The following ARID3B variants were observed in gnomAD, a reference collection of about 807,000 sequenced individuals.
The protein encoded by ARID3B is AT-rich interactive domain-containing protein 3B.
In ARID3B, 10 loss-of-function variants were observed where a neutral mutation model predicts 51.9. That is an observed-to-expected ratio of 0.19 (90% CI 0.12 to 0.33). The LOEUF is 0.33. Ranked by LOEUF, ARID3B falls within the 10% of genes least tolerant of loss-of-function variation. The pLI, the probability that ARID3B is intolerant of heterozygous loss-of-function variation, is 1.00. For synonymous variants in ARID3B, 205 were observed against 279.5 expected, an observed-to-expected ratio of 0.73 and a Z score of 2.66; for missense variants, 483 against 716.3, an observed-to-expected ratio of 0.67 and a Z score of 3.72.
chr15:74,590,072 G>A, intron 5 of ARID3B, 69 bp downstream of exon 5: 1 of 1,448,288 alleles, frequency 6.9e-7, no homozygotes, highest in Non-Finnish European at 9.2e-7. Flanking sequence ...CTAGAGGAGA[G>A]GAAGGAAGGA....
chr15:74,541,702 G>T (rs2061596022), intron 1 of ARID3B, among the ~76,000 whole-genome samples: 1 of 152,006 alleles, frequency 6.6e-6, no homozygotes, highest in Non-Finnish European at 1.5e-5. Flanking sequence ...GAGGCGTGCA[G>T]GGGTGACCGG....
intron 2 of ARID3B, among the ~76,000 whole-genome samples, chr15:74,551,189 A>T (rs1212968268): frequency 6.6e-6 from 1 of 152,148 alleles, no homozygotes; most frequent in African/African-American, 2.4e-5. Context: ...GTCAATCATA[A>T]TTTTTCAGTC....
intron 2 of ARID3B, among the ~76,000 whole-genome samples, chr15:74,559,497 C>A (rs1252037308): frequency 6.6e-6 from 1 of 152,040 alleles, no homozygotes; most frequent in Non-Finnish European, 1.5e-5. Context: ...TATTTCATTT[C>A]ATTGTGTGAG....
intron 2 of ARID3B, among the ~76,000 whole-genome samples, chr15:74,546,440 T>C (rs1450172994): frequency 1.3e-5 from 2 of 152,166 alleles, no homozygotes; most frequent in African/African-American, 4.8e-5. Context: ...GAGGAACAAG[T>C]GGAGCTCCAG....
In ARID3B at chr15:74,589,938, G is replaced by A. The variant is rs1212430099; in HGVS notation, c.816G>A (p.Arg272=). The A allele has an allele frequency of 2.5e-6, 4 of 1,613,986 alleles. No individual in the cohort carries two copies. In the Admixed American group the frequency reaches 6.7e-5, roughly 27 times the overall value. ...AGATCATCAACAAGAAGATCTGGAG[G>A]GAGATCACCAAAGGCCTAAACCTGC... The part of the protein sequence containing the change: ...LVEIINKKIW[R]EITKGLNLPT... Residue 272 remains arginine (R), a synonymous_variant, in exon 5 of 9, where the codon AGG becomes AGA. Coordinates refer to ENST00000346246, the MANE Select transcript of ARID3B (RefSeq NM_006465.4).
At chr15:74,556,450 G>A (rs1306278547) in intron 2 of ARID3B, among the ~76,000 whole-genome samples, 1 of 152,140 alleles carries the variant, frequency 6.6e-6, no homozygotes, top group Non-Finnish European at 1.5e-5. Flanking sequence ...TTTTAAGTGT[G>A]AAATACTACG....
chr15:74,568,810 A>C (rs574074756), intron 2 of ARID3B, among the ~76,000 whole-genome samples: 5 of 152,166 alleles, frequency 3.3e-5, no homozygotes, highest in Non-Finnish European at 7.4e-5. Context: ...CACTCTGGCT[A>C]CTGTTGACTT....
intron 8 of ARID3B, 109 bp downstream of exon 8, chr15:74,593,345 C>A: frequency 1.0e-6 from 1 of 988,684 alleles, no homozygotes; most frequent in Non-Finnish European, 1.5e-6. Flanking sequence ...CCCACAGTGG[C>A]TTCCTTTTTC....
In ARID3B at chr15:74,564,130, G is replaced by A. The variant is rs1242917082; in HGVS notation, c.553-8732G>A. 2.6e-5 allele frequency among the ~76,000 whole-genome samples: 4 copies of A among 152,164 alleles called. No individual in the cohort carries two copies. In the East Asian group the frequency reaches 5.8e-4, roughly 22 times the overall value. ...TAATTATAACTCTAGTGTTTCCAAG[G>A]CCTGAGCGATTTAGTTAAGAGCACT... On this transcript the variant is annotated intron_variant, in intron 2 of 8. Transcript: ENST00000346246.
intron 2 of ARID3B, among the ~76,000 whole-genome samples, chr15:74,557,811 GACTT>G (rs2061664245): frequency 6.8e-6 from 1 of 146,558 alleles, no homozygotes; most frequent in Non-Finnish European, 1.5e-5. Context: ...TCTAGGTTTC[GACTT>G]ACTTTTTTTT....
chr15:74,549,259 T>G (rs2061627221), intron 2 of ARID3B, among the ~76,000 whole-genome samples: 1 of 152,046 alleles, frequency 6.6e-6, no homozygotes, highest in Admixed American at 6.5e-5. Context: ...GTATTTTTAG[T>G]AGAGACGGGG....
intron 2 of ARID3B, among the ~76,000 whole-genome samples, chr15:74,556,758 TTC>T (rs1214571201): frequency 6.7e-6 from 1 of 149,020 alleles, no homozygotes; most frequent in African/African-American, 2.5e-5. Context: ...TTTTCCTTTT[TTC>T]TTTTTTTTGT....
rs1281610747 is a variant in ARID3B at position 74,595,863 on chromosome 15, C to T, written c.*89C>T. 12 of 1,366,762 alleles carry T rather than the reference C, an allele frequency of 8.8e-6. No homozygotes were observed. Among genetic ancestry groups the T allele is most frequent in the Admixed American group, 7.3e-5 (3 of 40,978 alleles). The allele number at this position is 1,366,762 out of a possible 1,614,324, so 84.7% of individuals were successfully genotyped here. On this transcript the variant is annotated 3_prime_UTR_variant, in exon 9 of 9. Transcript: ENST00000346246. ...AATTTACCTCATCTCACAGAGCCCA[C>T]GTCGACGAGCACCATTTGGCCAGAC...
chr15:74,543,891 C>T lies in ARID3B; in HGVS notation c.-46C>T. The T allele has an allele frequency of 6.4e-7, 1 of 1,567,704 alleles. No homozygotes were observed. On this transcript the variant is annotated 5_prime_UTR_variant, in exon 2 of 9. Transcript: ENST00000346246. Reference sequence around the variant, plus strand: ...ACCCAGTGTGCCTGGTGGGCTGTGCCCAGGTTCAGAGTCATGCCACTCTGT... The same window carrying T: ...ACCCAGTGTGCCTGGTGGGCTGTGCTCAGGTTCAGAGTCATGCCACTCTGT...
intron 2 of ARID3B, among the ~76,000 whole-genome samples, chr15:74,546,860 C>T (rs914893272): frequency 2.0e-5 from 3 of 152,126 alleles, no homozygotes; most frequent in African/African-American, 7.2e-5. Flanking sequence ...CGTCCTTTTC[C>T]CCTTTAATTT....
At position 74,593,255 on chromosome 15, in the gene ARID3B, G is replaced by C. The variant is rs757044113; in HGVS notation, c.1519+19G>C. On this transcript the variant is annotated intron_variant, in intron 8 of 8. Transcript: ENST00000346246. ...TATGCAGGTGAGGCCCTGGAGCTCT[G>C]GGGGAGGCCCACGTGGCCGCAGCTA... is the stretch of plus-strand genomic sequence containing the variant. 1.9e-6 allele frequency: 3 copies of C among 1,605,978 alleles called. No individual in the cohort carries two copies. Among genetic ancestry groups the C allele is most frequent in the Non-Finnish European group, 2.5e-6 (3 of 1,177,052 alleles).
intron 4 of ARID3B, among the ~76,000 whole-genome samples, chr15:74,581,629 ATAC>A (rs1199900080): frequency 1.3e-5 from 2 of 152,174 alleles, no homozygotes; most frequent in Non-Finnish European, 2.9e-5. Flanking sequence ...TTAAAAAAAT[ATAC>A]TGGTTTTTCC....
chr15:74,558,599 T>G (rs1256961058), intron 2 of ARID3B, among the ~76,000 whole-genome samples: 1 of 152,212 alleles, frequency 6.6e-6, no homozygotes, highest in Non-Finnish European at 1.5e-5. Flanking sequence ...TGTTCTTTAA[T>G]CAGCTTTCAA....
At chr15:74,542,608 A>G (rs1478062794) in intron 1 of ARID3B, among the ~76,000 whole-genome samples, 3 of 152,258 alleles carry the variant, frequency 2.0e-5, no homozygotes, top group Non-Finnish European at 4.4e-5. Flanking sequence ...TTTTGAAGAT[A>G]CTAAAGACAC....
Sources: allele counts gnomAD v4.1 joint callset (sites outside exome capture counted in the v4.1 genomes callset), GRCh38; gene constraint gnomAD v4.1.1; transcripts MANE v1.5; gene names NCBI Gene and HGNC (gene_info 2026-07-23, HGNC 2026-07-21).